ZFPM2: variants seen among roughly 807,000 people sequenced by gnomAD.
The protein encoded by ZFPM2 is zinc finger protein ZFPM2.
Under a neutral mutation model 98.6 loss-of-function variants are expected in ZFPM2, and 20 were observed. The ratio of observed to expected loss-of-function variants is 0.20; its 90% CI spans 0.14 to 0.29. ZFPM2 has a LOEUF of 0.29. ZFPM2 is among the 10% of genes least tolerant of loss of function. The pLI is 1.00. For missense variants in ZFPM2, 1,310 were observed against 1,388.6 expected, an observed-to-expected ratio of 0.94 and a Z score of 0.90; for synonymous variants, 518 against 502.7, an observed-to-expected ratio of 1.03 and a Z score of -0.41.
At chr8:105,482,676 T>C (rs1428697138) in intron 3 of ZFPM2, among the ~76,000 whole-genome samples, 1 of 152,206 alleles carries the variant, frequency 6.6e-6, no homozygotes, top group East Asian at 1.9e-4. Flanking sequence ...TATAGTCTTC[T>C]TCCAAATATG....
At chr8:105,638,452 A>G (rs62528597) in intron 5 of ZFPM2, among the ~76,000 whole-genome samples, 9,212 of 152,166 alleles carry the variant, frequency 0.061, 305 homozygotes, top group Admixed American at 0.094. Flanking sequence ...TGGACGATGA[A>G]AATTAAATTC....
chr8:105,728,065 A>C (rs902111854), intron 5 of ZFPM2, among the ~76,000 whole-genome samples: 1 of 151,726 alleles, frequency 6.6e-6, no homozygotes, highest in Non-Finnish European at 1.5e-5. Flanking sequence ...GATTGTAAAA[A>C]GTTTGAAACC....
At chr8:105,495,737 A>C (rs1485377017) in intron 3 of ZFPM2, among the ~76,000 whole-genome samples, 1 of 152,202 alleles carries the variant, frequency 6.6e-6, no homozygotes, top group African/African-American at 2.4e-5. Flanking sequence ...AAGAAGAAGA[A>C]GAAGAAATGG....
At chr8:105,534,276 T>TTCCCTCCC (rs200540748) in intron 3 of ZFPM2, among the ~76,000 whole-genome samples, 5 of 39,504 alleles carry the variant, frequency 1.3e-4, no homozygotes, top group African/African-American at 7.5e-4. Flanking sequence ...CCTTCCTTCT[T>TTCCCTCCC]TCCCTCCCTC....
At chr8:105,705,158 A>G (rs1811226932) in intron 5 of ZFPM2, among the ~76,000 whole-genome samples, 1 of 152,126 alleles carries the variant, frequency 6.6e-6, no homozygotes, top group Non-Finnish European at 1.5e-5. Flanking sequence ...ATTGATATAT[A>G]TATATATATG....
intron 5 of ZFPM2, among the ~76,000 whole-genome samples, chr8:105,710,699 G>GTA (rs1811368629): frequency 7.1e-6 from 1 of 141,432 alleles, no homozygotes; most frequent in South Asian, 2.2e-4. Context: ...GTGTGTGTGT[G>GTA]TGTATGTGTG....
intron 2 of ZFPM2, among the ~76,000 whole-genome samples, chr8:105,420,827 A>G (rs1427937592): frequency 6.6e-6 from 1 of 152,078 alleles, no homozygotes; most frequent in Non-Finnish European, 1.5e-5. Context: ...GTTGCAATAA[A>G]GAGAGGAATT....
At chr8:105,677,961 A>C (rs753523964) in intron 5 of ZFPM2, among the ~76,000 whole-genome samples, 3 of 152,180 alleles carry the variant, frequency 2.0e-5, no homozygotes, top group Non-Finnish European at 4.4e-5. Flanking sequence ...AGCTGCTCAT[A>C]AGATGTTATC....
intron 3 of ZFPM2, among the ~76,000 whole-genome samples, chr8:105,510,455 T>G (rs1239515421): frequency 1.3e-5 from 2 of 151,868 alleles, no homozygotes; most frequent in South Asian, 4.2e-4. Context: ...ATTTGGAATC[T>G]TCTCTTGGAG....
chr8:105,459,578 C>CCAAAATCAAGGTATCAGCAGGCGTGGT, intron 3 of ZFPM2, among the ~76,000 whole-genome samples: 1 of 152,224 alleles, frequency 6.6e-6, no homozygotes, highest in African/African-American at 2.4e-5. Context: ...GGCTGGAAGT[C>CCAAAATCAAGGTATCAGCAGGCGTGGT]CAAAATCAAG....
chr8:105,718,003 A>G (rs1197561449), intron 5 of ZFPM2, among the ~76,000 whole-genome samples: 1 of 151,848 alleles, frequency 6.6e-6, no homozygotes, highest in East Asian at 1.9e-4. Flanking sequence ...CTTTAACAGT[A>G]AGATACTGTG....
At chr8:105,661,841 A>G (rs1164893535) in intron 5 of ZFPM2, among the ~76,000 whole-genome samples, 6 of 152,186 alleles carry the variant, frequency 3.9e-5, no homozygotes, top group East Asian at 1.9e-4. Flanking sequence ...ACTGTAATGC[A>G]GTATTCAATG....
chr8:105,616,093 G>C (rs922456495), intron 4 of ZFPM2, among the ~76,000 whole-genome samples: 23 of 151,874 alleles, frequency 1.5e-4, no homozygotes, highest in Admixed American at 1.2e-3. Context: ...GTTTATACTA[G>C]ATAAGGCATT....
rs567942260 is a variant in ZFPM2 at position 105,692,402 on chromosome 8, T to G, written c.532+58045T>G. 2.4e-3 allele frequency among the ~76,000 whole-genome samples: 362 copies of G among 152,328 alleles called. 2 individuals carry two copies. The highest frequency in any genetic ancestry group is 3.3e-3 in the Non-Finnish European group (224 of 68,032). On this transcript the variant is annotated intron_variant, in intron 5 of 7. Coordinates refer to ENST00000407775, the MANE Select transcript of ZFPM2 (RefSeq NM_012082.4). ...ATGTAGGGGGTGCAAACTCAAAATT[T>G]TGCTTATGGATGTGCAAATACATAA... is the stretch of plus-strand genomic sequence containing the variant.
chr8:105,398,168 C>T (rs1464984449), intron 1 of ZFPM2, among the ~76,000 whole-genome samples: 4 of 152,172 alleles, frequency 2.6e-5, no homozygotes, highest in African/African-American at 4.8e-5. Flanking sequence ...TAGTTAAGCT[C>T]AGTTCTAGCA....
intron 5 of ZFPM2, among the ~76,000 whole-genome samples, chr8:105,646,120 G>A (rs1161107754): frequency 6.6e-6 from 1 of 150,446 alleles, no homozygotes; most frequent in Non-Finnish European, 1.5e-5. Flanking sequence ...GCTTCTCTAT[G>A]GGACACGTGT....
At chr8:105,443,579 T>C (rs1812309579) in intron 2 of ZFPM2, among the ~76,000 whole-genome samples, 1 of 152,182 alleles carries the variant, frequency 6.6e-6, no homozygotes, top group African/African-American at 2.4e-5. Context: ...AAAATATGGT[T>C]GTATCATTAA....
At chr8:105,500,147 A>G (rs1462885456) in intron 3 of ZFPM2, among the ~76,000 whole-genome samples, 2 of 152,120 alleles carry the variant, frequency 1.3e-5, no homozygotes, top group Non-Finnish European at 2.9e-5. Context: ...CTTCTGTTAT[A>G]CTGTGTGTTT....
intron 5 of ZFPM2, among the ~76,000 whole-genome samples, chr8:105,650,108 G>T (rs1434237922): frequency 6.6e-6 from 1 of 152,032 alleles, no homozygotes; most frequent in African/African-American, 2.4e-5. Context: ...GTCTTGGGAG[G>T]GTCTATGTGT....
Sources: allele counts gnomAD v4.1 joint callset (sites outside exome capture counted in the v4.1 genomes callset), GRCh38; gene constraint gnomAD v4.1.1; transcripts MANE v1.5; gene names NCBI Gene and HGNC (gene_info 2026-07-23, HGNC 2026-07-21).